HECW2: variants seen among roughly 807,000 people sequenced by gnomAD.
HECW2 encodes the protein HECT, C2 and WW domain containing E3 ubiquitin protein ligase 2, also known as E3 ubiquitin-protein ligase HECW2.
HECW2 carries 61 observed loss-of-function variants against 175.2 expected under a neutral mutation model. That is an observed-to-expected ratio of 0.35 (90% CI 0.28 to 0.43). The LOEUF (loss-of-function observed/expected upper bound fraction) is 0.43. HECW2 is among the 20% of genes least tolerant of loss of function. The pLI is 1.00. For synonymous variants in HECW2, 671 were observed against 731.0 expected, an observed-to-expected ratio of 0.92 and a Z score of 1.32; for missense variants, 1,524 against 2,000.5, an observed-to-expected ratio of 0.76 and a Z score of 4.54.
In HECW2 at chr2:196,305,222, C is replaced by A. The variant is rs886667813; in HGVS notation, c.2814+1266G>T. On this transcript the variant is annotated intron_variant, in intron 13 of 28. Transcript: ENST00000644978. ...CTAGGTCTTAGCTCAGTGCCTAGCA[C>A]ATAATCATCAACAAACTTGCGAAGC... is the stretch of plus-strand genomic sequence containing the variant. Among the ~76,000 whole-genome samples the A allele has an allele frequency of 9.8e-5, 15 of 152,316 alleles. No homozygotes were observed. In the East Asian group the frequency reaches 2.9e-3, roughly 29 times the overall value.
chr2:196,204,013 A>G (rs548607049), intron 28 of HECW2, among the ~76,000 whole-genome samples: 2 of 152,324 alleles, frequency 1.3e-5, no homozygotes, highest in African/African-American at 4.8e-5. Context: ...TTTAAGGTTG[A>G]TGTTGTAGCA....
At chr2:196,473,486 T>C (rs550584037) in intron 1 of HECW2, among the ~76,000 whole-genome samples, 1 of 152,354 alleles carries the variant, frequency 6.6e-6, no homozygotes, top group Middle Eastern at 3.4e-3. Flanking sequence ...ATTAATGGAC[T>C]TTCTAAACCA....
intron 1 of HECW2, among the ~76,000 whole-genome samples, chr2:196,499,352 A>G (rs1206506043): frequency 1.3e-5 from 2 of 152,078 alleles, no homozygotes; most frequent in African/African-American, 2.4e-5. Flanking sequence ...GCAGGTTATG[A>G]AAGTATTCGT....
chr2:196,307,832 G>A, intron 11 of HECW2, 103 bp downstream of exon 11: 3 of 1,102,678 alleles, frequency 2.7e-6, no homozygotes, highest in Non-Finnish European at 3.7e-6. Context: ...TTAACGACAG[G>A]ACACACAAAG....
chr2:196,473,727 C>T (rs1697307113), intron 1 of HECW2, among the ~76,000 whole-genome samples: 1 of 152,182 alleles, frequency 6.6e-6, no homozygotes, highest in Non-Finnish European at 1.5e-5. Flanking sequence ...ACAGGTCTGG[C>T]CTTATTCGTG....
chr2:196,430,745 T>C (rs762400473), intron 2 of HECW2, among the ~76,000 whole-genome samples: 1 of 151,900 alleles, frequency 6.6e-6, no homozygotes, highest in Non-Finnish European at 1.5e-5. Flanking sequence ...AATTTGAATA[T>C]CAAAGAGGAA....
intron 2 of HECW2, among the ~76,000 whole-genome samples, chr2:196,412,121 T>C (rs1284607291): frequency 6.6e-6 from 1 of 152,262 alleles, no homozygotes; most frequent in Non-Finnish European, 1.5e-5. Flanking sequence ...CCTATTGTAT[T>C]AGTTTGCTAG....
chr2:196,341,113 T>C (rs1415558689), intron 3 of HECW2, among the ~76,000 whole-genome samples: 1 of 152,132 alleles, frequency 6.6e-6, no homozygotes, highest in Non-Finnish European at 1.5e-5. Context: ...AGAAAATCAA[T>C]CACAGTAAAG....
chr2:196,494,632 G>C (rs1306639889), intron 1 of HECW2, among the ~76,000 whole-genome samples: 1 of 152,182 alleles, frequency 6.6e-6, no homozygotes. Flanking sequence ...GGATAGTTGT[G>C]TTCAAGATAC....
At chr2:196,515,975 C>CAAA (rs60165337) in intron 1 of HECW2, among the ~76,000 whole-genome samples, 52 of 135,896 alleles carry the variant, frequency 3.8e-4, no homozygotes, top group African/African-American at 8.7e-4. Context: ...AAAAAAAGTA[C>CAAA]AAAAAAAAAA....
At position 196,307,229 on chromosome 2, in the gene HECW2, G is replaced by T; in HGVS notation, c.2590C>A (p.Gln864Lys). 6.2e-7 allele frequency: 1 copy of T among 1,603,600 alleles called. No individual in the cohort carries two copies. The highest frequency in any genetic ancestry group is 8.5e-7 in the Non-Finnish European group (1 of 1,170,418). ...TTGGTCATGGTTCTGCGGATACTCT[G>T]ATATCTAAAATCATGAGCCTAGAGT... ...QQMEQLNRRY[Q>K]SIRRTMTNER... The change falls in exon 12 of 29, where the codon CAG becomes AAG. Residue 864 changes from glutamine to lysine, a missense_variant. Coordinates refer to ENST00000644978, the MANE Select transcript of HECW2 (RefSeq NM_001348768.2).
In HECW2 at chr2:196,413,656, A is replaced by G. The variant is rs567261388; in HGVS notation, c.292+19476T>C. Reference sequence around the variant, plus strand: ...CACTATGCCCAGCCGACCCTGTCTCAAAAAAAATTATATGAGATAATATTA... The same window carrying G: ...CACTATGCCCAGCCGACCCTGTCTCGAAAAAAATTATATGAGATAATATTA... On this transcript the variant is annotated intron_variant, in intron 2 of 28. Coordinates refer to ENST00000644978, the MANE Select transcript of HECW2 (RefSeq NM_001348768.2). 1.7e-4 allele frequency among the ~76,000 whole-genome samples: 26 copies of G among 152,064 alleles called. 1 individual carries two copies. Among genetic ancestry groups the G allele is most frequent in the Middle Eastern group, 6.8e-3 (2 of 294 alleles).
At chr2:196,491,367 T>TACACACACACAC (rs1449828623) in intron 1 of HECW2, among the ~76,000 whole-genome samples, 1 of 95,684 alleles carries the variant, frequency 1.0e-5, no homozygotes, top group Non-Finnish European at 2.2e-5. Context: ...ATCATATATA[T>TACACACACACAC]ATACACACAC....
intron 2 of HECW2, among the ~76,000 whole-genome samples, chr2:196,423,995 G>A (rs1296235196): frequency 6.6e-6 from 1 of 151,862 alleles, no homozygotes; most frequent in Admixed American, 6.6e-5. Flanking sequence ...AATAGAAGGT[G>A]TGTGGAAACC....
chr2:196,319,387 G>A lies in HECW2; in HGVS notation c.1503C>T (p.Ser501=). 6.2e-7 allele frequency: 1 copy of A among 1,613,514 alleles called. No individual in the cohort carries two copies. Among genetic ancestry groups the A allele is most frequent in the Non-Finnish European group, 8.5e-7 (1 of 1,180,010 alleles). The change falls in exon 9 of 29, where the codon AGC becomes AGT. Residue 501 remains serine (S), a synonymous_variant. Coordinates refer to ENST00000644978, the MANE Select transcript of HECW2 (RefSeq NM_001348768.2). ...FSRASRADDG[S]LTSQTKLEDN... ...CCTCCAGCTTTGTCTGAGATGTCAG[G>A]CTTCCATCATCAGCTCTGGATGCCC... is the stretch of plus-strand genomic sequence containing the variant.
intron 2 of HECW2, among the ~76,000 whole-genome samples, chr2:196,389,605 C>T (rs1694448637): frequency 6.6e-6 from 1 of 152,174 alleles, no homozygotes; most frequent in African/African-American, 2.4e-5. Context: ...CTGCCTCCTG[C>T]CTCTGCAAGA....
intron 1 of HECW2, among the ~76,000 whole-genome samples, chr2:196,450,996 T>C (rs570891654): frequency 3.3e-4 from 50 of 152,334 alleles, no homozygotes; most frequent in Non-Finnish European, 5.7e-4. Context: ...TTTTAAATTC[T>C]ATTTCCCATA....
At chr2:196,591,104 A>G (rs1236986245) in intron 1 of HECW2, among the ~76,000 whole-genome samples, 2 of 152,240 alleles carry the variant, frequency 1.3e-5, no homozygotes, top group African/African-American at 4.8e-5. Context: ...GTTTATCTCA[A>G]ATGTTCAGAA....
In HECW2 at chr2:196,562,843, A is replaced by C. The variant is rs143596008; in HGVS notation, c.-36+30665T>G. ...AGGATCACTTGAGCCCAGGAGTTCA[A>C]GACTAGCCTCAGCAATATAGCAAGA... On this transcript the variant is annotated intron_variant, in intron 1 of 28. Coordinates refer to ENST00000644978, the MANE Select transcript of HECW2 (RefSeq NM_001348768.2). 3.9e-5 allele frequency among the ~76,000 whole-genome samples: 6 copies of C among 152,226 alleles called. No homozygotes were observed. The East Asian group carries it at 1.2e-3, about 29-fold the overall frequency.
Sources: allele counts gnomAD v4.1 joint callset (sites outside exome capture counted in the v4.1 genomes callset), GRCh38; gene constraint gnomAD v4.1.1; transcripts MANE v1.5; gene names NCBI Gene and HGNC (gene_info 2026-07-23, HGNC 2026-07-21).